ZNF654: variants seen among roughly 807,000 people sequenced by gnomAD.
The protein encoded by ZNF654 is melanoma-associated antigen.
Under a neutral mutation model 95.3 loss-of-function variants are expected in ZNF654, and 19 were observed. The ratio of observed to expected loss-of-function variants is 0.20; its 90% confidence interval spans 0.14 to 0.29. The LOEUF is 0.29. Among genes scored for constraint, ZNF654 ranks in the 10% least tolerant of loss-of-function variants. The probability of loss-of-function intolerance (pLI) is 1.00; values close to 1 mark genes in which losing one functional copy is unlikely to be tolerated. For missense variants in ZNF654, 1,046 were observed against 1,341.0 expected (o/e 0.78, Z 3.44); for synonymous variants, 413 against 457.9 (o/e 0.90, Z 1.25).
At chr3:88,091,789 C>A (rs1360411015) in intron 2 of ZNF654, among the ~76,000 whole-genome samples, 1 of 152,160 alleles carries the variant, frequency 6.6e-6, no homozygotes, top group African/African-American at 2.4e-5. Flanking sequence ...TCTTGCCTGC[C>A]GCCATGTAAG....
At position 88,144,011 on chromosome 3, in the gene ZNF654, G is replaced by A. The variant is rs1707245502; in HGVS notation, c.*2359G>A. The stretch of plus-strand genomic sequence containing the variant: ...ATTCCTCAGATTCTTCTTTTTTTCT[G>A]TTTTGAGGATGTATTCATCCTACAT... On this transcript the variant is annotated 3_prime_UTR_variant, in exon 9 of 9. Transcript: ENST00000636215. 6.6e-6 allele frequency: 1 copy of A among 152,076 alleles called. No homozygotes were observed. Among genetic ancestry groups the A allele is most frequent in the Admixed American group, 6.6e-5 (1 of 15,232 alleles). 9.4% of individuals were successfully genotyped at this position (152,076 alleles called of 1,614,324 possible).
intron 2 of ZNF654, among the ~76,000 whole-genome samples, chr3:88,096,911 T>A (rs752209392): frequency 1.3e-5 from 2 of 152,180 alleles, no homozygotes; most frequent in Non-Finnish European, 2.9e-5. Flanking sequence ...CCTCATATTA[T>A]CATTTTAGAC....
rs529872011 is a variant in ZNF654 at position 88,095,994 on chromosome 3, A to G, written c.332+9592A>G. 3.6e-5 allele frequency: 8 copies of G among 222,996 alleles called. No homozygotes were observed. In the Middle Eastern group the frequency reaches 2.7e-3, roughly 75 times the overall value. The allele number at this position is 222,996 out of a possible 1,614,324, so 13.8% of individuals were successfully genotyped here. ...CGTGTTGCACTGTTCTACCTGAAGG[A>G]CTAAGGCCACTGCATCCCAGATACC... is the stretch of plus-strand genomic sequence containing the variant. On this transcript the variant is annotated intron_variant, in intron 2 of 8. Coordinates refer to ENST00000636215, the MANE Select transcript of ZNF654 (RefSeq NM_001350134.2).
chr3:88,066,213 C>T (rs1707189940), intron 1 of ZNF654, among the ~76,000 whole-genome samples: 1 of 152,134 alleles, frequency 6.6e-6, no homozygotes, highest in African/African-American at 2.4e-5. Context: ...CTTTTTTATA[C>T]ACAGTCTTTC....
At chr3:88,087,923 C>G (rs1576241969) in intron 2 of ZNF654, among the ~76,000 whole-genome samples, 6 of 152,148 alleles carry the variant, frequency 3.9e-5, no homozygotes, top group Admixed American at 3.9e-4. Flanking sequence ...TCTTTGAGTG[C>G]TAACGTGATA....
chr3:88,108,098 T>A (rs181080664), intron 2 of ZNF654, among the ~76,000 whole-genome samples: 389 of 152,294 alleles, frequency 2.6e-3, no homozygotes, highest in African/African-American at 9.1e-3. Flanking sequence ...CTGGAGATAT[T>A]ACTAGCTTGG....
chr3:88,132,750 T>C (rs950381231), intron 6 of ZNF654, among the ~76,000 whole-genome samples: 6 of 152,218 alleles, frequency 3.9e-5, no homozygotes, highest in African/African-American at 1.4e-4. Context: ...TTATCTCTCT[T>C]AATTCTTTTA....
intron 3 of ZNF654, among the ~76,000 whole-genome samples, chr3:88,118,954 A>G (rs1281806671): frequency 1.3e-5 from 2 of 149,108 alleles, no homozygotes; most frequent in Non-Finnish European, 3.0e-5. Context: ...AAACTAGTTC[A>G]ACCATTGTGG....
chr3:88,106,320 TG>T (rs1704734794), intron 2 of ZNF654, among the ~76,000 whole-genome samples: 1 of 152,080 alleles, frequency 6.6e-6, no homozygotes, highest in South Asian at 2.1e-4. Flanking sequence ...AAGTTGAAAA[TG>T]TATATTTTTT....
intron 2 of ZNF654, among the ~76,000 whole-genome samples, chr3:88,096,122 C>T (rs1019742662): frequency 6.6e-6 from 1 of 151,760 alleles, no homozygotes; most frequent in Admixed American, 6.6e-5. Flanking sequence ...AGATCTGTTT[C>T]AGTCAAGATT....
At chr3:88,083,941 TTATATA>T (rs78670676) in intron 1 of ZNF654, among the ~76,000 whole-genome samples, 118,344 of 147,798 alleles carry the variant, frequency 0.8, 48,015 homozygotes, top group South Asian at 0.91. Context: ...TGTACTTATT[TTATATA>T]TATATATATA....
At chr3:88,135,272 G>A (rs1451126318) in intron 7 of ZNF654, 70 bp downstream of exon 7, 1 of 1,229,168 alleles carries the variant, frequency 8.1e-7, no homozygotes, top group Non-Finnish European at 1.1e-6. Flanking sequence ...AATCTCTTTT[G>A]ATAAAATTTA....
At chr3:88,076,698 G>T (rs558244484) in intron 1 of ZNF654, among the ~76,000 whole-genome samples, 2 of 152,154 alleles carry the variant, frequency 1.3e-5, no homozygotes, top group South Asian at 4.2e-4. Context: ...CGTATATTTT[G>T]GGGTTCCCTT....
intron 1 of ZNF654, among the ~76,000 whole-genome samples, chr3:88,062,820 G>A (rs570833925): frequency 1.3e-5 from 2 of 152,292 alleles, no homozygotes; most frequent in South Asian, 4.1e-4. Context: ...AATGTACTTA[G>A]TATTGTACGT....
At chr3:88,136,769 C>T (rs1342464587) in intron 7 of ZNF654, among the ~76,000 whole-genome samples, 1 of 152,072 alleles carries the variant, frequency 6.6e-6, no homozygotes, top group Non-Finnish European at 1.5e-5. Context: ...TTTCATTGAA[C>T]AAATTGAAAA....
At chr3:88,084,881 G>C (rs535643988) in intron 1 of ZNF654, among the ~76,000 whole-genome samples, 2 of 152,252 alleles carry the variant, frequency 1.3e-5, no homozygotes, top group Non-Finnish European at 2.9e-5. Context: ...TCACAGTTGA[G>C]GAACCTCAAG....
intron 3 of ZNF654, among the ~76,000 whole-genome samples, chr3:88,116,179 G>A (rs923352558): frequency 6.6e-6 from 1 of 152,036 alleles, no homozygotes; most frequent in Non-Finnish European, 1.5e-5. Context: ...GCATGCAGCA[G>A]AGCCTAAAGG....
In ZNF654 at chr3:88,144,206, A is replaced by G. The variant is rs1553702121; in HGVS notation, c.*2554A>G. 6.6e-6 allele frequency: 1 copy of G among 152,356 alleles called. No individual in the cohort carries two copies. The highest frequency in any genetic ancestry group is 1.5e-5 in the Non-Finnish European group (1 of 67,808). 9.4% of individuals were successfully genotyped at this position (152,356 alleles called of 1,614,324 possible). ...AATCTCCGTGGACAAGGACACTGGTACTTTGGGCTTTAGCCATATTCATTT... is the reference window on the plus strand; with the variant it reads ...AATCTCCGTGGACAAGGACACTGGTGCTTTGGGCTTTAGCCATATTCATTT... On this transcript the variant is annotated 3_prime_UTR_variant, in exon 9 of 9. Transcript: ENST00000636215.
intron 8 of ZNF654, 115 bp from the exon 9 acceptor site, chr3:88,141,530 C>T (rs879092011): frequency 5.0e-5 from 33 of 661,132 alleles, no homozygotes; most frequent in Admixed American, 7.3e-5. Flanking sequence ...GCTTGTCTGT[C>T]TACTAATATC....
Sources: gnomAD v4.1 joint callset for allele counts (sites outside exome capture counted in the v4.1 genomes callset) on GRCh38, gnomAD v4.1.1 for gene constraint, MANE v1.5 for transcripts, NCBI Gene and HGNC (gene_info 2026-07-23, HGNC 2026-07-21) for gene names.